NCR1: variants seen among roughly 807,000 people sequenced by gnomAD.
NCR1 encodes NK cell-activating receptor.
A neutral mutation model predicts 32.5 loss-of-function variants in NCR1; 30 were observed. That is an observed-to-expected ratio of 0.92 (90% confidence interval 0.69 to 1.25). NCR1 has a LOEUF of 1.25. NCR1 is among the 50% of genes most tolerant of loss of function. The pLI, the probability that NCR1 is intolerant of heterozygous loss-of-function variation, is 0.00. For synonymous variants in NCR1, 169 were observed against 143.4 expected, an observed-to-expected ratio of 1.18 and a Z score of -1.28; for missense variants, 369 against 380.7, an observed-to-expected ratio of 0.97 and a Z score of 0.26.
At chr19:54,927,670 C>G in the NCR1 span, 1 of 1,614,142 alleles carries the variant, frequency 6.2e-7, no homozygotes, top group Middle Eastern at 1.6e-4. Context: ...TGCCACTCTT[C>G]CACAAATGAT....
intron 3 of NCR1, among the ~76,000 whole-genome samples, chr19:54,907,052 A>G (rs1177641028): frequency 6.6e-6 from 1 of 152,052 alleles, no homozygotes; most frequent in Non-Finnish European, 1.5e-5. Context: ...AGATATTTGT[A>G]TGCAGGGGTA....
chr19:54,931,457 A>C, the NCR1 span, among the ~76,000 whole-genome samples: 1 of 152,092 alleles, frequency 6.6e-6, no homozygotes, highest in African/African-American at 2.4e-5. Flanking sequence ...TGGGAGGCTG[A>C]GGCAGACAGA....
chr19:54,916,317 C>CTTTTTTTTTTT (rs71181711), downstream of NCR1, among the ~76,000 whole-genome samples: 167 of 87,092 alleles, frequency 1.9e-3, 19 homozygotes, highest in African/African-American at 6.5e-3. Context: ...GAATATTGTG[C>CTTTTTTTTTTT]TTTTTTTTTT....
Position 54,906,562 on chromosome 19 carries a change from T to C in NCR1, c.110T>C (p.Phe37Ser). 4 of 1,612,578 alleles carry C rather than the reference T, an allele frequency of 2.5e-6. No individual in the cohort carries two copies. In the East Asian group the frequency reaches 8.9e-5, roughly 36 times the overall value. Residue 37 changes from phenylalanine to serine, a missense_variant, in exon 3 of 7, where the codon TTC becomes TCC. Phe to Ser is a radical substitution (Grantham distance 155, BLOSUM62 -2). Coordinates refer to ENST00000291890, the MANE Select transcript of NCR1 (RefSeq NM_004829.7). ...CCGTTCATCTGGGCCGAGCCCCATT[T>C]CATGGTTCCAAAGGAAAAGCAAGTG... ...PKPFIWAEPH[F>S]MVPKEKQVTI...
the NCR1 span, among the ~76,000 whole-genome samples, chr19:54,922,814 A>T: frequency 0.087 from 10,345 of 118,304 alleles, 511 homozygotes; most frequent in Middle Eastern, 0.15. Context: ...GAAAGAACAG[A>T]GAGACACATA....
chr19:54,902,652 C>A (rs145791090), upstream of NCR1, among the ~76,000 whole-genome samples: 5 of 152,200 alleles, frequency 3.3e-5, no homozygotes, highest in Admixed American at 1.3e-4. Context: ...TCTTATATTT[C>A]TTTGGTGAAG....
rs765774550 is a variant in NCR1 at position 54,909,393 on chromosome 19, C to G, written c.504C>G (p.Tyr168Ter). ...EGRSSHVQRG[Y>*]GKVQAEFPLG... ...GATCCAGCCACGTACAGCGCGGATA[C>G]GGGAAGGTCCAGGCGGAGTTCCCCC... Residue 168 changes from tyrosine to a stop codon, truncating the protein, a stop_gained, in exon 4 of 7, where the codon TAC becomes TAG. Transcript: ENST00000291890. LOFTEE classifies it high-confidence loss of function. 1 of 1,614,038 alleles carries G rather than the reference C, an allele frequency of 6.2e-7. No individual in the cohort carries two copies. The highest frequency in any genetic ancestry group is 8.5e-7 in the Non-Finnish European group (1 of 1,180,014).
the NCR1 span, among the ~76,000 whole-genome samples, chr19:54,930,944 A>T: frequency 6.6e-6 from 1 of 152,024 alleles, no homozygotes; most frequent in Non-Finnish European, 1.5e-5. Context: ...AATCGCTTGA[A>T]TCCGGGAGGC....
the NCR1 span, chr19:54,927,759 G>C: frequency 6.2e-7 from 1 of 1,614,026 alleles, no homozygotes; most frequent in South Asian, 1.1e-5. Flanking sequence ...AAAGGCATGA[G>C]GGAGCAGCTC....
Position 54,906,811 on chromosome 19 carries a change from A to C in NCR1, c.355+4A>C. ...TTGCTGGATCTGGTGGTAACAGGTA[A>C]CTGTCCGGTTCTCTAACTGGAGAGT... On this transcript the variant is annotated splice_donor_region_variant and intron_variant, in intron 3 of 6. Transcript: ENST00000291890. The C allele has an allele frequency of 6.2e-7, 1 of 1,613,742 alleles. No individual in the cohort carries two copies. Among genetic ancestry groups the C allele is most frequent in the Non-Finnish European group, 8.5e-7 (1 of 1,179,832 alleles).
the NCR1 span, among the ~76,000 whole-genome samples, chr19:54,929,696 T>TTA: frequency 6.6e-6 from 1 of 152,130 alleles, no homozygotes; most frequent in Non-Finnish European, 1.5e-5. Context: ...GGGGCCATTG[T>TTA]TATATATATT....
the NCR1 span, chr19:54,933,626 C>T: frequency 6.2e-7 from 1 of 1,614,174 alleles, no homozygotes; most frequent in Non-Finnish European, 8.5e-7. Context: ...AAACTTCACC[C>T]CTGTATCCCC....
chr19:54,906,695 C>G lies in NCR1; in HGVS notation c.243C>G (p.Val81=), dbSNP rs1316031017. Residue 81 remains valine, a synonymous_variant, in exon 3 of 7, where the codon GTC becomes GTG. Transcript: ENST00000291890. ...RPKPPERINK[V]QFYIPDMNSR... Reference sequence around the variant, plus strand: ...AACCCCCTGAGCGGATTAACAAAGTCCAATTCTACATCCCGGACATGAACT... The same window carrying G: ...AACCCCCTGAGCGGATTAACAAAGTGCAATTCTACATCCCGGACATGAACT... 2 of 1,614,088 alleles carry G rather than the reference C, an allele frequency of 1.2e-6. No homozygotes were observed. Among genetic ancestry groups the G allele is most frequent in the African/African-American group, 2.7e-5 (2 of 74,936 alleles).
At chr19:54,907,111 G>A (rs1306667766) in intron 3 of NCR1, among the ~76,000 whole-genome samples, 1 of 151,582 alleles carries the variant, frequency 6.6e-6, no homozygotes, top group East Asian at 1.9e-4. Flanking sequence ...AGGCGCAGTG[G>A]CTTACACTTT....
the NCR1 span, among the ~76,000 whole-genome samples, chr19:54,921,658 G>A: frequency 1.3e-5 from 2 of 151,172 alleles, no homozygotes; most frequent in African/African-American, 4.9e-5. Context: ...TCTAGTCTCA[G>A]CTACTCCGGA....
At chr19:54,924,702 G>A in the NCR1 span, among the ~76,000 whole-genome samples, 7 of 151,992 alleles carry the variant, frequency 4.6e-5, no homozygotes, top group East Asian at 1.9e-4. Flanking sequence ...TTGGGAGGCC[G>A]AGGCGGGCAG....
chr19:54,914,884 C>T (rs1038283850), downstream of NCR1, among the ~76,000 whole-genome samples: 3 of 151,982 alleles, frequency 2.0e-5, no homozygotes, highest in African/African-American at 7.3e-5. Context: ...GGACTAGAGG[C>T]GCGCGCCACC....
At chr19:54,899,295 T>G in the NCR1 span, among the ~76,000 whole-genome samples, 4 of 152,024 alleles carry the variant, frequency 2.6e-5, no homozygotes, top group Admixed American at 6.6e-5. Context: ...ATAAGGCATT[T>G]AGGTTTTAGG....
chr19:54,922,961 C>T, the NCR1 span, among the ~76,000 whole-genome samples: 1 of 149,386 alleles, frequency 6.7e-6, no homozygotes, highest in African/African-American at 2.5e-5. Flanking sequence ...GAGAGACACA[C>T]AGAGACAGAG....
Sources: gnomAD v4.1 joint callset for allele counts (sites outside exome capture counted in the v4.1 genomes callset) on GRCh38, gnomAD v4.1.1 for gene constraint, MANE v1.5 for transcripts, NCBI Gene and HGNC (gene_info 2026-07-23, HGNC 2026-07-21) for gene names.